NFIB: variants seen among roughly 807,000 people sequenced by gnomAD.
The protein encoded by NFIB is nuclear factor 1 B-type.
NFIB carries 11 observed loss-of-function variants against 61.5 expected under a neutral mutation model. That is an observed-to-expected ratio of 0.18 (90% CI 0.11 to 0.30). The LOEUF (loss-of-function observed/expected upper bound fraction) is 0.30, where lower values mean the gene tolerates loss of function less well. Among genes scored for constraint, NFIB ranks in the 10% least tolerant of loss-of-function variants. The probability of loss-of-function intolerance (pLI) is 1.00; values close to 1 mark genes in which losing one functional copy is unlikely to be tolerated. For synonymous variants in NFIB, 260 were observed against 216.5 expected, an observed-to-expected ratio of 1.20 and a Z score of -1.76; for missense variants, 471 against 608.9, an observed-to-expected ratio of 0.77 and a Z score of 2.38.
Position 14,162,515 on chromosome 9 carries a change from T to C in NFIB, c.617-6622A>G, listed in dbSNP as rs116803934. 3.0e-3 allele frequency among the ~76,000 whole-genome samples: 459 copies of C among 152,256 alleles called. 4 individuals carry two copies. The highest frequency in any genetic ancestry group is 0.01 in the African/African-American group (436 of 41,592). On this transcript the variant is annotated intron_variant, in intron 3 of 10. Transcript: ENST00000380953. Reference sequence around the variant, plus strand: ...CAGTTTCTTCTAATATTTCTACAGGTAGCTGGAAAGCTTTTATGGAAATTT... The same window carrying C: ...CAGTTTCTTCTAATATTTCTACAGGCAGCTGGAAAGCTTTTATGGAAATTT...
intron 7 of NFIB, among the ~76,000 whole-genome samples, chr9:14,125,370 C>T (rs1016533452): frequency 2.0e-5 from 3 of 152,090 alleles, no homozygotes; most frequent in Admixed American, 1.3e-4. Flanking sequence ...GTTGGTCAGG[C>T]TAGTCTTGAA....
At chr9:14,435,259 A>G in the NFIB span, among the ~76,000 whole-genome samples, 1 of 152,260 alleles carries the variant, frequency 6.6e-6, no homozygotes. Context: ...TCGACAAAAG[A>G]GGACATAATT....
chr9:14,257,813 G>A (rs1216299612), intron 2 of NFIB, among the ~76,000 whole-genome samples: 4 of 152,104 alleles, frequency 2.6e-5, no homozygotes, highest in African/African-American at 9.7e-5. Flanking sequence ...CCAATAATGT[G>A]CCAGCTATGG....
chr9:14,411,918 T>C, the NFIB span, among the ~76,000 whole-genome samples: 1 of 152,064 alleles, frequency 6.6e-6, no homozygotes, highest in East Asian at 1.9e-4. Flanking sequence ...GGGCAGGGCG[T>C]GTTGTGAGCA....
chr9:14,301,508 C>A (rs952057700), intron 2 of NFIB, among the ~76,000 whole-genome samples: 4 of 152,116 alleles, frequency 2.6e-5, no homozygotes, highest in African/African-American at 9.7e-5. Context: ...GAAAGTGGGG[C>A]ACTATATATT....
intron 2 of NFIB, among the ~76,000 whole-genome samples, chr9:14,268,490 A>G (rs916895496): frequency 2.0e-4 from 30 of 152,050 alleles, no homozygotes; most frequent in African/African-American, 7.0e-4. Context: ...CCCATCCCCA[A>G]TGACTTACCT....
chr9:14,125,875 T>G (rs2039577376), intron 6 of NFIB, 109 bp from the exon 7 acceptor site: 2 of 1,433,584 alleles, frequency 1.4e-6, no homozygotes, highest in Admixed American at 4.8e-5. Context: ...TCTTATACTT[T>G]GGCTCTTTTA....
intron 1 of NFIB, among the ~76,000 whole-genome samples, chr9:14,382,531 C>G (rs948511319): frequency 6.6e-6 from 1 of 151,908 alleles, no homozygotes; most frequent in Admixed American, 6.6e-5. Context: ...TGACATGCAG[C>G]CTGGCTCAAT....
intron 1 of NFIB, among the ~76,000 whole-genome samples, chr9:14,392,493 C>G (rs2061635586): frequency 6.6e-6 from 1 of 152,116 alleles, no homozygotes; most frequent in Non-Finnish European, 1.5e-5. Flanking sequence ...TTTGGGAGGC[C>G]AAGGCTGATG....
At chr9:14,093,222 C>T (rs1329639684) in intron 10 of NFIB, among the ~76,000 whole-genome samples, 2 of 151,994 alleles carry the variant, frequency 1.3e-5, no homozygotes, top group African/African-American at 4.8e-5. Flanking sequence ...TATTACTAGC[C>T]TGTGTGTATT....
chr9:14,455,657 G>A, the NFIB span, among the ~76,000 whole-genome samples: 1 of 152,154 alleles, frequency 6.6e-6, no homozygotes, highest in East Asian at 1.9e-4. Flanking sequence ...GCTAGAAACA[G>A]TTAAGAAGCT....
At chr9:14,151,747 T>G (rs1170877262) in intron 4 of NFIB, among the ~76,000 whole-genome samples, 1 of 152,050 alleles carries the variant, frequency 6.6e-6, no homozygotes, top group African/African-American at 2.4e-5. Flanking sequence ...GTCAAAGAAC[T>G]CCTTAAGAAT....
chr9:14,161,392 A>C (rs2131274731), intron 3 of NFIB, among the ~76,000 whole-genome samples: 1 of 152,238 alleles, frequency 6.6e-6, no homozygotes, highest in Middle Eastern at 3.4e-3. Context: ...TAAACCCACG[A>C]GGATGATTTA....
At chr9:14,350,297 C>A (rs2061090888) in intron 1 of NFIB, among the ~76,000 whole-genome samples, 1 of 152,152 alleles carries the variant, frequency 6.6e-6, no homozygotes, top group South Asian at 2.1e-4. Context: ...GGGCAGCCTG[C>A]GAAAGTGACG....
At chr9:14,148,951 A>T (rs1208040021) in intron 5 of NFIB, among the ~76,000 whole-genome samples, 1 of 152,222 alleles carries the variant, frequency 6.6e-6, no homozygotes. Flanking sequence ...GACAAATTAC[A>T]TGCATAAGGA....
intron 1 of NFIB, among the ~76,000 whole-genome samples, chr9:14,344,348 G>A (rs1339177304): frequency 6.6e-6 from 1 of 151,662 alleles, no homozygotes; most frequent in Admixed American, 6.6e-5. Flanking sequence ...TTGGCAGGTC[G>A]ACAGGAGCAG....
intron 2 of NFIB, among the ~76,000 whole-genome samples, chr9:14,306,662 G>A (rs370339693): frequency 1.3e-5 from 2 of 152,036 alleles, no homozygotes; most frequent in East Asian, 1.9e-4. Context: ...TGTAGCCTAC[G>A]ACAGAAAGTA....
At chr9:14,274,884 C>T (rs950449023) in intron 2 of NFIB, among the ~76,000 whole-genome samples, 2 of 152,110 alleles carry the variant, frequency 1.3e-5, no homozygotes, top group African/African-American at 4.8e-5. Context: ...TGCCAGTTAG[C>T]TAAATTAACT....
chr9:14,176,212 G>C (rs565960547), intron 3 of NFIB, among the ~76,000 whole-genome samples: 2 of 145,702 alleles, frequency 1.4e-5, no homozygotes, highest in Non-Finnish European at 3.0e-5. Context: ...CTATAACCAA[G>C]AGAGGACATT....
Sources: allele counts gnomAD v4.1 joint callset (sites outside exome capture counted in the v4.1 genomes callset), GRCh38; gene constraint gnomAD v4.1.1; transcripts MANE v1.5; gene names NCBI Gene and HGNC (gene_info 2026-07-23, HGNC 2026-07-21).